ANO2: variants seen among roughly 807,000 people sequenced by gnomAD.
ANO2 encodes anoctamin 2.
A neutral mutation model predicts 124.2 loss-of-function variants in ANO2; 101 were observed. The observed-to-expected ratio is 0.81, with a 90% confidence interval of 0.69 to 0.96. The LOEUF is 0.96. ANO2 is among the 40% of genes least tolerant of loss of function. The probability of loss-of-function intolerance (pLI) is 0.00; values close to 1 mark genes in which losing one functional copy is unlikely to be tolerated. For missense variants in ANO2, 1,293 were observed against 1,274.5 expected (o/e 1.01, Z -0.22); for synonymous variants, 486 against 482.5 (o/e 1.01, Z -0.09).
At chr12:5,866,546 G>A (rs189464178) in intron 3 of ANO2, among the ~76,000 whole-genome samples, 8 of 152,394 alleles carry the variant, frequency 5.2e-5, no homozygotes, top group Admixed American at 4.6e-4. Flanking sequence ...CAGAGGGCAT[G>A]TTGTGGAGGA....
intron 14 of ANO2, among the ~76,000 whole-genome samples, chr12:5,727,536 T>C (rs1311083032): frequency 1.4e-5 from 2 of 147,580 alleles, no homozygotes; most frequent in Admixed American, 1.3e-4. Flanking sequence ...AGCAATGGCC[T>C]ACAGCTAACA....
chr12:5,924,453 G>T (rs1167981949), intron 1 of ANO2, among the ~76,000 whole-genome samples: 1 of 152,168 alleles, frequency 6.6e-6, no homozygotes, highest in Non-Finnish European at 1.5e-5. Context: ...GGTCCTGGAG[G>T]GTGGGTAGCT....
At chr12:5,564,837 C>G (rs574830489) in intron 24 of ANO2, among the ~76,000 whole-genome samples, 2 of 152,188 alleles carry the variant, frequency 1.3e-5, no homozygotes, top group African/African-American at 4.8e-5. Context: ...GGGCTGGGGT[C>G]TGGGGGCAGG....
In ANO2 at chr12:5,563,513, G is replaced by A. The variant is rs375548202; in HGVS notation, c.2783C>T (p.Thr928Met). 2.0e-5 allele frequency: 32 copies of A among 1,613,866 alleles called. No individual in the cohort carries two copies. Among genetic ancestry groups the A allele is most frequent in the Admixed American group, 3.3e-5 (2 of 60,006 alleles). ...LVDWMIPDIP[T>M]DISDQIKKEK... Reference sequence around the variant, plus strand: ...TTTCTTGATCTGGTCGCTGATGTCCGTGGGGATGTCTGGAATCATCCAGTC... The same window carrying A: ...TTTCTTGATCTGGTCGCTGATGTCCATGGGGATGTCTGGAATCATCCAGTC... Residue 928 changes from threonine to methionine, a missense_variant, in exon 25 of 25, where the codon ACG (threonine) becomes ATG (methionine). Physicochemically the swap from Thr to Met is moderately conservative, Grantham distance 81. Transcript: ENST00000682330.
intron 3 of ANO2, among the ~76,000 whole-genome samples, chr12:5,887,751 G>T (rs1939037209): frequency 6.6e-6 from 1 of 152,216 alleles, no homozygotes; most frequent in South Asian, 2.1e-4. Flanking sequence ...GCCAAGCACA[G>T]CTCTGAGCTT....
intron 10 of ANO2, among the ~76,000 whole-genome samples, chr12:5,756,886 C>A (rs1332111323): frequency 4.6e-5 from 7 of 152,254 alleles, no homozygotes; most frequent in African/African-American, 1.7e-4. Flanking sequence ...AAGTCCCCTG[C>A]TCTGTGGAAG....
chr12:5,732,574 G>C lies in ANO2; in HGVS notation c.1491C>G (p.Ser497Arg). The C allele has an allele frequency of 6.2e-7, 1 of 1,613,920 alleles. No individual in the cohort carries two copies. Among genetic ancestry groups the C allele is most frequent in the South Asian group, 1.1e-5 (1 of 91,054 alleles). Reference protein sequence around the residue: ...TKVREKMLKESNQSAVQKLET... With the variant: ...TKVREKMLKERNQSAVQKLET... Reference sequence around the variant, plus strand: ...CCAATTTCTGGACAGCAGACTGGTTGCTCTCCTTTAGCATTTTCTCTCGAA... The same window carrying C: ...CCAATTTCTGGACAGCAGACTGGTTCCTCTCCTTTAGCATTTTCTCTCGAA... Residue 497 changes from serine (S) to arginine (R), a missense_variant, in exon 14 of 25, where the codon AGC (serine) becomes AGG (arginine). Transcript: ENST00000682330.
At chr12:5,851,416 G>C (rs538295970) in intron 4 of ANO2, among the ~76,000 whole-genome samples, 2 of 152,234 alleles carry the variant, frequency 1.3e-5, no homozygotes, top group East Asian at 1.9e-4. Context: ...GGCTGGGTGT[G>C]GTGGCTCACG....
intron 14 of ANO2, among the ~76,000 whole-genome samples, chr12:5,727,839 C>T (rs1216439232): frequency 2.0e-5 from 3 of 150,410 alleles, no homozygotes; most frequent in Admixed American, 1.3e-4. Context: ...CAGAGTCTTG[C>T]TCTGTCCCCC....
intron 3 of ANO2, among the ~76,000 whole-genome samples, chr12:5,884,207 T>G (rs370035609): frequency 6.6e-6 from 1 of 152,172 alleles, no homozygotes; most frequent in East Asian, 1.9e-4. Flanking sequence ...CTGTGGGCAG[T>G]GATTCTAGCT....
At chr12:5,751,657 C>A (rs1211925637) in intron 10 of ANO2, among the ~76,000 whole-genome samples, 1 of 152,136 alleles carries the variant, frequency 6.6e-6, no homozygotes, top group Non-Finnish European at 1.5e-5. Context: ...ATAAAGTTAT[C>A]CAGTACCTCC....
chr12:5,934,904 C>G (rs896945635), intron 1 of ANO2, among the ~76,000 whole-genome samples: 11 of 152,018 alleles, frequency 7.2e-5, no homozygotes, highest in African/African-American at 2.2e-4. Flanking sequence ...TTTCTCCTAC[C>G]CAAAATGGAC....
chr12:5,723,894 A>T (rs754132859), intron 14 of ANO2, among the ~76,000 whole-genome samples: 31 of 152,122 alleles, frequency 2.0e-4, no homozygotes, highest in Non-Finnish European at 4.0e-4. Context: ...GAGCTGAACC[A>T]ACCCGCAGCT....
chr12:5,738,680 C>T (rs1950972058), intron 13 of ANO2, among the ~76,000 whole-genome samples: 2 of 152,284 alleles, frequency 1.3e-5, no homozygotes, highest in Admixed American at 1.3e-4. Flanking sequence ...GCACGACACA[C>T]TGCCCATCAT....
At chr12:5,616,283 G>T (rs1280745020) in intron 16 of ANO2, among the ~76,000 whole-genome samples, 2 of 152,178 alleles carry the variant, frequency 1.3e-5, no homozygotes, top group South Asian at 4.2e-4. Context: ...TCTGGTGAGG[G>T]CCTGTCTTTT....
rs189104815 is a variant in ANO2 at position 5,660,127 on chromosome 12, C to T, written c.1546-12326G>A. ...TTTTTCGACTTTACAACAGGTTTAT[C>T]AGGCCATTAAATGCATTTTCTACTT... On this transcript the variant is annotated intron_variant, in intron 14 of 24. Transcript: ENST00000682330. 1.4e-4 allele frequency among the ~76,000 whole-genome samples: 21 copies of T among 152,258 alleles called. No homozygotes were observed. In the East Asian group the frequency reaches 3.5e-3, roughly 25 times the overall value.
chr12:5,851,927 T>C, intron 4 of ANO2: 2 of 740,310 alleles, frequency 2.7e-6, no homozygotes, highest in Non-Finnish European at 4.9e-6. Flanking sequence ...GGGATGGAAA[T>C]CATAACATGG....
chr12:5,632,304 A>G (rs1165055869), intron 16 of ANO2, among the ~76,000 whole-genome samples: 1 of 152,072 alleles, frequency 6.6e-6, no homozygotes, highest in Non-Finnish European at 1.5e-5. Context: ...AGAAACTGAC[A>G]TCAAAGTCAC....
At chr12:5,713,523 C>A (rs762663105) in intron 14 of ANO2, among the ~76,000 whole-genome samples, 9 of 152,046 alleles carry the variant, frequency 5.9e-5, no homozygotes, top group Non-Finnish European at 1.2e-4. Context: ...ATGCTAAATC[C>A]CCCCTACCCT....
Sources: gnomAD v4.1 joint callset for allele counts (sites outside exome capture counted in the v4.1 genomes callset) on GRCh38, gnomAD v4.1.1 for gene constraint, MANE v1.5 for transcripts, NCBI Gene and HGNC (gene_info 2026-07-23, HGNC 2026-07-21) for gene names.